The following CAMTA1 variants were observed in gnomAD, a reference collection of about 807,000 sequenced individuals.
CAMTA1 encodes the protein calmodulin-binding transcription activator 1.
A neutral mutation model predicts 170.9 loss-of-function variants in CAMTA1; 27 were observed. That is an observed-to-expected ratio of 0.16 (90% CI 0.12 to 0.22). The LOEUF is 0.22. Among genes scored for constraint, CAMTA1 ranks in the 10% least tolerant of loss-of-function variants. The pLI is 1.00. For missense variants in CAMTA1, 1,619 were observed against 2,217.2 expected (o/e 0.73, Z 5.42); for synonymous variants, 833 against 891.5 (o/e 0.93, Z 1.17).
intron 3 of CAMTA1, among the ~76,000 whole-genome samples, chr1:6,877,225 A>G (rs1670168450): frequency 6.6e-6 from 1 of 152,184 alleles, no homozygotes; most frequent in South Asian, 2.1e-4. Flanking sequence ...AAATGATAGA[A>G]GGTTAGGGCA....
At chr1:7,541,544 CTGTT>C (rs1273171312) in intron 6 of CAMTA1, among the ~76,000 whole-genome samples, 5 of 152,238 alleles carry the variant, frequency 3.3e-5, no homozygotes, top group Non-Finnish European at 7.3e-5. Flanking sequence ...ATATAAATCT[CTGTT>C]TGCTTGAAAT....
chr1:7,270,244 T>TACACACAC (rs57280188), intron 5 of CAMTA1, among the ~76,000 whole-genome samples: 6 of 127,220 alleles, frequency 4.7e-5, no homozygotes, highest in African/African-American at 1.6e-4. Context: ...CATATATACA[T>TACACACAC]ACACACACAC....
At position 7,617,788 on chromosome 1, in the gene CAMTA1, G is replaced by T. The variant is rs143670321; in HGVS notation, c.511-22612G>T. ...CAGAGGAATTTGCTCTTGGGTCCCCGATCTTCTTGATTGTGAAATAGTCCA... is the reference window on the plus strand; with the variant it reads ...CAGAGGAATTTGCTCTTGGGTCCCCTATCTTCTTGATTGTGAAATAGTCCA... On this transcript the variant is annotated intron_variant, in intron 6 of 22. Transcript: ENST00000303635. Among the ~76,000 whole-genome samples the T allele has an allele frequency of 6.5e-4, 97 of 148,452 alleles. 1 individual carries two copies. Among genetic ancestry groups the T allele is most frequent in the African/African-American group, 2.4e-3 (95 of 40,180 alleles).
At chr1:7,326,497 C>G (rs552273350) in intron 5 of CAMTA1, among the ~76,000 whole-genome samples, 1 of 152,242 alleles carries the variant, frequency 6.6e-6, no homozygotes, top group East Asian at 1.9e-4. Flanking sequence ...TGAGGTCAGA[C>G]TAAAGTGAGC....
intron 11 of CAMTA1, among the ~76,000 whole-genome samples, chr1:7,715,447 T>TC (rs58633568): frequency 7.3e-5 from 11 of 151,694 alleles, no homozygotes; most frequent in Non-Finnish European, 1.5e-5. Context: ...TTTTTTTTTT[T>TC]CTTGAGGCAC....
At chr1:6,829,729 G>T (rs1260642131) in intron 3 of CAMTA1, among the ~76,000 whole-genome samples, 1 of 152,164 alleles carries the variant, frequency 6.6e-6, no homozygotes, top group African/African-American at 2.4e-5. Flanking sequence ...AGTGGGGGAC[G>T]GGGGAGTTCA....
intron 4 of CAMTA1, among the ~76,000 whole-genome samples, chr1:7,237,720 T>C (rs1664141405): frequency 6.6e-6 from 1 of 152,226 alleles, no homozygotes; most frequent in African/African-American, 2.4e-5. Flanking sequence ...CCTAAAGTGA[T>C]AGGTGAGTCT....
intron 3 of CAMTA1, among the ~76,000 whole-genome samples, chr1:6,989,162 G>A (rs1300525021): frequency 6.6e-6 from 1 of 152,198 alleles, no homozygotes; most frequent in Non-Finnish European, 1.5e-5. Flanking sequence ...GCCTGATGCA[G>A]GAGCCATCTG....
In CAMTA1 at chr1:7,744,070, G is replaced by A. The variant is rs1420714140; in HGVS notation, c.4183-765G>A. Among the ~76,000 whole-genome samples the A allele has an allele frequency of 8.7e-5, 13 of 148,970 alleles. No homozygotes were observed. In the South Asian group the frequency reaches 2.3e-3, roughly 27 times the overall value. On this transcript the variant is annotated intron_variant, in intron 16 of 22. Coordinates refer to ENST00000303635, the MANE Select transcript of CAMTA1 (RefSeq NM_015215.4). ...TCTTAATCTCCTGACCTCGTGATCC[G>A]CCAGCCTTGGCCTCCCAAAGTGCTG...
intron 3 of CAMTA1, among the ~76,000 whole-genome samples, chr1:6,848,285 A>C (rs1197858419): frequency 6.6e-6 from 1 of 152,200 alleles, no homozygotes; most frequent in Non-Finnish European, 1.5e-5. Flanking sequence ...CGTGGCTGAG[A>C]CCACAGGGGT....
intron 6 of CAMTA1, among the ~76,000 whole-genome samples, chr1:7,497,180 C>T (rs1216386380): frequency 1.3e-5 from 2 of 152,180 alleles, no homozygotes; most frequent in African/African-American, 2.4e-5. Flanking sequence ...AGCTGCCCGT[C>T]TCACACCTCC....
intron 3 of CAMTA1, among the ~76,000 whole-genome samples, chr1:6,838,077 TCCCTGGAGTGTCCAG>T (rs1330161518): frequency 6.6e-6 from 1 of 152,092 alleles, no homozygotes; most frequent in East Asian, 1.9e-4. Context: ...TATACAATAG[TCCCTGGAGTGTCCAG>T]GGACTGTTCA....
intron 4 of CAMTA1, among the ~76,000 whole-genome samples, chr1:7,141,018 G>A (rs928139247): frequency 1.2e-4 from 19 of 152,200 alleles, no homozygotes; most frequent in Admixed American, 3.3e-4. Context: ...GTGAACCTTC[G>A]GGGATGTTTA....
At chr1:7,008,735 A>G (rs753002857) in intron 3 of CAMTA1, 3 of 152,240 alleles carry the variant, frequency 2.0e-5, no homozygotes, top group Non-Finnish European at 4.4e-5. Context: ...AAACTGTAAA[A>G]TATTCATTTG....
chr1:7,445,383 A>G (rs893953240), intron 5 of CAMTA1, among the ~76,000 whole-genome samples: 1 of 151,648 alleles, frequency 6.6e-6, no homozygotes, highest in Non-Finnish European at 1.5e-5. Flanking sequence ...AGGAAGGGGA[A>G]GCCCATGGGA....
chr1:6,909,438 C>T (rs2149262460), intron 3 of CAMTA1, among the ~76,000 whole-genome samples: 1 of 152,356 alleles, frequency 6.6e-6, no homozygotes, highest in African/African-American at 2.4e-5. Context: ...TTTGGAAATT[C>T]AGAGCCAGAA....
At chr1:6,836,142 T>C (rs554453191) in intron 3 of CAMTA1, among the ~76,000 whole-genome samples, 1 of 152,350 alleles carries the variant, frequency 6.6e-6, no homozygotes, top group South Asian at 2.1e-4. Flanking sequence ...TTTCTGATGA[T>C]AAATTCTGTT....
intron 5 of CAMTA1, among the ~76,000 whole-genome samples, chr1:7,273,337 A>T (rs1050153644): frequency 2.6e-5 from 4 of 152,270 alleles, no homozygotes; most frequent in Non-Finnish European, 5.9e-5. Flanking sequence ...TCAAATGTCC[A>T]CCGACTAATA....
intron 5 of CAMTA1, among the ~76,000 whole-genome samples, chr1:7,272,680 G>T (rs1669977813): frequency 4.8e-5 from 1 of 20,836 alleles, no homozygotes; most frequent in Admixed American, 8.7e-4. Context: ...GGGGCAACTG[G>T]ATAAACACAT....
Sources: allele counts gnomAD v4.1 joint callset (sites outside exome capture counted in the v4.1 genomes callset), GRCh38; gene constraint gnomAD v4.1.1; transcripts MANE v1.5; gene names NCBI Gene and HGNC (gene_info 2026-07-23, HGNC 2026-07-21).